Variants in DCC observed in about 807,000 individuals in gnomAD.
The protein encoded by DCC is DCC netrin 1 receptor.
A neutral mutation model predicts 172.5 loss-of-function variants in DCC; 58 were observed. The ratio of observed to expected loss-of-function variants is 0.34; its 90% CI spans 0.27 to 0.42. The LOEUF (loss-of-function observed/expected upper bound fraction) is 0.42, where lower values mean the gene tolerates loss of function less well. Ranked by LOEUF, DCC falls within the 10% of genes least tolerant of loss-of-function variation. The pLI is 1.00. For missense variants in DCC, 1,740 were observed against 1,791.0 expected (o/e 0.97, Z 0.51); for synonymous variants, 709 against 644.5 (o/e 1.10, Z -1.52).
Position 53,516,161 on chromosome 18 carries a change from G to C in DCC, c.4112-10456G>C, listed in dbSNP as rs1291447499. 1.7e-4 allele frequency among the ~76,000 whole-genome samples: 25 copies of C among 151,068 alleles called. No individual in the cohort carries two copies. The South Asian group carries it at 1.9e-3, about 11-fold the overall frequency. ...AATAATGCCGCATATCTACAACTATGTGATCTTTGACAAACCTGAGAAAAA... is the reference window on the plus strand; with the variant it reads ...AATAATGCCGCATATCTACAACTATCTGATCTTTGACAAACCTGAGAAAAA... On this transcript the variant is annotated intron_variant, in intron 27 of 28. Transcript: ENST00000442544.
rs542441800 is a variant in DCC at position 53,269,111 on chromosome 18, C to T, written c.1912-36467C>T. Among the ~76,000 whole-genome samples, 24 of 151,818 alleles carry T rather than the reference C, an allele frequency of 1.6e-4. No individual in the cohort carries two copies. The South Asian group carries it at 4.4e-3, about 28-fold the overall frequency. ...GTGTGCGTGTGTGTGTGTGTGTGTG[C>T]ATGCACGCGCATGCCTGTGGGTATA... On this transcript the variant is annotated intron_variant, in intron 12 of 28. Coordinates refer to ENST00000442544, the MANE Select transcript of DCC (RefSeq NM_005215.4).
chr18:53,268,983 A>C (rs999835967), intron 12 of DCC, among the ~76,000 whole-genome samples: 1 of 152,174 alleles, frequency 6.6e-6, no homozygotes, highest in African/African-American at 2.4e-5. Flanking sequence ...TTTTAGAGGA[A>C]AGAATATTGT....
chr18:53,130,957 G>A (rs1237787898), intron 7 of DCC, among the ~76,000 whole-genome samples: 4 of 152,022 alleles, frequency 2.6e-5, no homozygotes, highest in East Asian at 1.9e-4. Context: ...GAGGGCGATC[G>A]AATTAGAGAA....
intron 1 of DCC, among the ~76,000 whole-genome samples, chr18:52,542,838 TA>T (rs550907167): frequency 1.8e-4 from 27 of 146,766 alleles, no homozygotes; most frequent in Middle Eastern, 3.5e-3. Context: ...AAACTCCATC[TA>T]AAAAAAAAAG....
intron 12 of DCC, among the ~76,000 whole-genome samples, chr18:53,226,930 G>GTATATA (rs1290601706): frequency 2.1e-5 from 1 of 48,600 alleles, no homozygotes; most frequent in African/African-American, 7.7e-5. Flanking sequence ...GTGTGTGTGT[G>GTATATA]TGTGTATATA....
At chr18:53,417,415 G>A (rs1292673758) in intron 21 of DCC, among the ~76,000 whole-genome samples, 1 of 151,418 alleles carries the variant, frequency 6.6e-6, no homozygotes, top group Admixed American at 6.6e-5. Flanking sequence ...CACTGAAAAT[G>A]TTTTCATACA....
At chr18:52,351,816 A>C (rs1439024642) in intron 1 of DCC, among the ~76,000 whole-genome samples, 1 of 152,174 alleles carries the variant, frequency 6.6e-6, no homozygotes, top group Non-Finnish European at 1.5e-5. Flanking sequence ...TTTCTTAAAA[A>C]CATAAACGAA....
At chr18:52,417,867 C>T (rs1213353036) in intron 1 of DCC, among the ~76,000 whole-genome samples, 3 of 152,224 alleles carry the variant, frequency 2.0e-5, no homozygotes, top group Non-Finnish European at 4.4e-5. Flanking sequence ...CTTCTTCTCT[C>T]AACTCATCAA....
chr18:53,450,936 T>C (rs2145150307), intron 23 of DCC, among the ~76,000 whole-genome samples: 1 of 152,336 alleles, frequency 6.6e-6, no homozygotes, highest in East Asian at 1.9e-4. Flanking sequence ...TGAGCGCAGG[T>C]GTTCCTTAGG....
At chr18:52,597,252 C>A (rs1414091865) in intron 1 of DCC, among the ~76,000 whole-genome samples, 9 of 152,200 alleles carry the variant, frequency 5.9e-5, no homozygotes, top group Admixed American at 5.9e-4. Flanking sequence ...CCTGTCAGAA[C>A]TGGATCTGAC....
rs182675183 is a variant in DCC, at chr18:52,879,909, G to A, written c.413-26135G>A. 5.3e-5 allele frequency among the ~76,000 whole-genome samples: 8 copies of A among 152,196 alleles called. No individual in the cohort carries two copies. In the East Asian group the frequency reaches 1.5e-3, roughly 29 times the overall value. On this transcript the variant is annotated intron_variant, in intron 2 of 28. Transcript: ENST00000442544. ...CATTTTAAATTTTTGTGGGTACATA[G>A]TAGGTGTATATATTTATGGGGTGCA...
intron 12 of DCC, among the ~76,000 whole-genome samples, chr18:53,222,877 C>T (rs1208820843): frequency 6.6e-6 from 1 of 152,054 alleles, no homozygotes; most frequent in African/African-American, 2.4e-5. Flanking sequence ...TACTTAATGT[C>T]ATTGTAACAT....
chr18:52,384,100 A>G (rs540266568), intron 1 of DCC, among the ~76,000 whole-genome samples: 25 of 152,210 alleles, frequency 1.6e-4, no homozygotes, highest in African/African-American at 6.0e-4. Flanking sequence ...TATCTAATTG[A>G]GAATAATAAA....
chr18:52,872,055 A>C (rs1321961386), intron 2 of DCC, among the ~76,000 whole-genome samples: 1 of 152,156 alleles, frequency 6.6e-6, no homozygotes, highest in Non-Finnish European at 1.5e-5. Context: ...TGCCCTCTGA[A>C]GTTTCACTGA....
chr18:52,906,425 T>C (rs1313324291), intron 3 of DCC, 97 bp downstream of exon 3: 2 of 1,231,374 alleles, frequency 1.6e-6, no homozygotes, highest in East Asian at 4.9e-5. Flanking sequence ...TTGTTATAAG[T>C]TCTGTATTGT....
intron 1 of DCC, among the ~76,000 whole-genome samples, chr18:52,662,493 C>CAAGGAAGG (rs2035377382): frequency 1.8e-5 from 2 of 111,968 alleles, no homozygotes; most frequent in Admixed American, 2.6e-4. Context: ...ACACACATGC[C>CAAGGAAGG]AAGGAAGGAA....
At chr18:52,399,359 G>A (rs912933833) in intron 1 of DCC, among the ~76,000 whole-genome samples, 25 of 151,694 alleles carry the variant, frequency 1.6e-4, no homozygotes, top group Non-Finnish European at 2.7e-4. Context: ...TTTCATCTTC[G>A]TTCTACTGCC....
chr18:53,402,588 C>T (rs563806045), intron 18 of DCC, among the ~76,000 whole-genome samples, 198 bp from the exon 19 acceptor site: 24 of 152,190 alleles, frequency 1.6e-4, no homozygotes, highest in South Asian at 1.2e-3. Flanking sequence ...CCTTGGGAAT[C>T]ATTTGATTTC....
At chr18:52,548,475 G>T (rs150029914) in intron 1 of DCC, among the ~76,000 whole-genome samples, 1 of 152,102 alleles carries the variant, frequency 6.6e-6, no homozygotes, top group Non-Finnish European at 1.5e-5. Context: ...ATTAGTCAAC[G>T]TTAGCATCTC....
Sources: gnomAD v4.1 joint callset for allele counts (sites outside exome capture counted in the v4.1 genomes callset) on GRCh38, gnomAD v4.1.1 for gene constraint, MANE v1.5 for transcripts, NCBI Gene and HGNC (gene_info 2026-07-23, HGNC 2026-07-21) for gene names.